Variants in TMC5 observed in about 807,000 individuals in gnomAD.
The protein encoded by TMC5 is transmembrane channel like 5.
In TMC5, 86 loss-of-function variants were observed where a neutral mutation model predicts 110.5. That is an observed-to-expected ratio of 0.78 (90% CI 0.65 to 0.93). The LOEUF is 0.93. Among genes scored for constraint, TMC5 ranks in the 40% least tolerant of loss-of-function variants. The pLI is 0.00. For synonymous variants in TMC5, 455 were observed against 439.5 expected (o/e 1.04, Z -0.44); for missense variants, 1,144 against 1,222.8 (o/e 0.94, Z 0.96).
chr16:19,443,929 A>G, intron 3 of TMC5, 152 bp from the exon 4 acceptor site: 1 of 733,088 alleles, frequency 1.4e-6, no homozygotes, highest in Non-Finnish European at 2.2e-6. Flanking sequence ...GAATGGATGG[A>G]TACATGGATG....
intron 17 of TMC5, among the ~76,000 whole-genome samples, chr16:19,488,541 C>T (rs1968808164): frequency 1.3e-5 from 2 of 152,096 alleles, no homozygotes; most frequent in Middle Eastern, 3.2e-3. Flanking sequence ...ACCCTCACCC[C>T]ATTCCTGGAA....
intron 3 of TMC5, among the ~76,000 whole-genome samples, chr16:19,442,381 T>C (rs933935508): frequency 6.7e-6 from 1 of 148,452 alleles, no homozygotes; most frequent in Admixed American, 6.9e-5. Flanking sequence ...CAGGTTGGAG[T>C]GCAGTGGCTC....
chr16:19,486,759 C>T (rs530608824), intron 15 of TMC5, among the ~76,000 whole-genome samples, 186 bp from the exon 16 acceptor site: 3 of 152,246 alleles, frequency 2.0e-5, no homozygotes, highest in African/African-American at 7.2e-5. Context: ...AATCACCTCT[C>T]AAAGGCCCTG....
intron 5 of TMC5, chr16:19,456,680 G>A (rs771423138): frequency 4.4e-6 from 7 of 1,589,418 alleles, no homozygotes; most frequent in Non-Finnish European, 5.1e-6. Flanking sequence ...CACCCCAGTG[G>A]AGAAGAAGGC....
chr16:19,429,473 T>G (rs1967151545), intron 1 of TMC5, among the ~76,000 whole-genome samples: 1 of 152,238 alleles, frequency 6.6e-6, no homozygotes, highest in South Asian at 2.1e-4. Context: ...ATCATTACAC[T>G]AATACACATT....
intron 17 of TMC5, among the ~76,000 whole-genome samples, chr16:19,487,626 C>T (rs1393946068): frequency 2.6e-5 from 4 of 151,736 alleles, no homozygotes; most frequent in South Asian, 4.2e-4. Context: ...CACTTGAACC[C>T]GGGAGGTGGA....
chr16:19,416,992 G>A (rs1219584080), upstream of TMC5, among the ~76,000 whole-genome samples: 2 of 148,924 alleles, frequency 1.3e-5, no homozygotes, highest in Non-Finnish European at 3.0e-5. Context: ...TACTCGGGAG[G>A]CTGAGGCAGG....
chr16:19,474,254 G>A lies in TMC5; in HGVS notation c.2068G>A (p.Glu690Lys), dbSNP rs201778492. 9.2e-5 allele frequency: 148 copies of A among 1,613,970 alleles called. No homozygotes were observed. The highest frequency in any genetic ancestry group is 1.6e-4 in the Middle Eastern group (1 of 6,080). ...GGAGAGGTACGAGATGCCACGGCAC[G>A]AAGTCTACGTTCTCCTGATCCGGTA... is the stretch of plus-strand genomic sequence containing the variant. ...LVERYEMPRH[E>K]VYVLLIRNIF... The change falls in exon 12 of 22, where the codon GAA (glutamate) becomes AAA (lysine). Residue 690 changes from glutamate to lysine, a missense_variant. Transcript: ENST00000542583.
intron 9 of TMC5, among the ~76,000 whole-genome samples, chr16:19,467,599 A>G (rs1028630931): frequency 1.3e-5 from 2 of 152,040 alleles, no homozygotes; most frequent in African/African-American, 2.4e-5. Flanking sequence ...CTCCTGCCTC[A>G]GCCTCCCTAG....
intron 12 of TMC5, among the ~76,000 whole-genome samples, chr16:19,475,641 A>G (rs1228328178): frequency 6.6e-6 from 1 of 152,034 alleles, no homozygotes; most frequent in Non-Finnish European, 1.5e-5. Context: ...GGACCTTTGC[A>G]TGGGCCTGGA....
intron 9 of TMC5, among the ~76,000 whole-genome samples, chr16:19,468,967 G>T (rs568349626): frequency 7.0e-4 from 107 of 152,266 alleles, no homozygotes; most frequent in African/African-American, 2.2e-3. Context: ...ACTCTAGCCT[G>T]GGCCACACAG....
chr16:19,436,279 A>AAAAAAAAAAAAG (rs1184125070), intron 2 of TMC5, among the ~76,000 whole-genome samples: 2 of 151,054 alleles, frequency 1.3e-5, no homozygotes, highest in African/African-American at 4.9e-5. Context: ...AAAAGAAAAA[A>AAAAAAAAAAAAG]AAAAAGAAAG....
At chr16:19,457,709 C>CTTTTT (rs573979829) in intron 5 of TMC5, among the ~76,000 whole-genome samples, 2,054 of 43,866 alleles carry the variant, frequency 0.047, 776 homozygotes, top group Non-Finnish European at 0.086. Context: ...AGACTACATT[C>CTTTTT]TTTTTTTTTT....
At chr16:19,426,033 G>C (rs561529401) in intron 1 of TMC5, among the ~76,000 whole-genome samples, 1 of 152,226 alleles carries the variant, frequency 6.6e-6, no homozygotes, top group African/African-American at 2.4e-5. Flanking sequence ...ATGGGTTAAT[G>C]CCTGTCCAGA....
At chr16:19,436,224 C>T (rs1398938954) in intron 2 of TMC5, among the ~76,000 whole-genome samples, 1 of 133,726 alleles carries the variant, frequency 7.5e-6, no homozygotes, top group Admixed American at 8.3e-5. Flanking sequence ...GCCAAGATGG[C>T]GTCACTTAAC....
At chr16:19,420,237 C>T (rs894393851) in intron 1 of TMC5, among the ~76,000 whole-genome samples, 24 of 152,020 alleles carry the variant, frequency 1.6e-4, no homozygotes, top group Non-Finnish European at 8.8e-5. Flanking sequence ...CCATCCTGGC[C>T]AACATGGTGA....
intron 19 of TMC5, among the ~76,000 whole-genome samples, chr16:19,492,915 G>GAGATATATATATATAT (rs1555486833): frequency 7.0e-4 from 30 of 42,778 alleles, no homozygotes; most frequent in East Asian, 2.5e-3. Context: ...TTAAAACTTA[G>GAGATATATATATATAT]ATATATATAT....
At chr16:19,443,341 T>A (rs541126069) in intron 3 of TMC5, among the ~76,000 whole-genome samples, 1 of 152,342 alleles carries the variant, frequency 6.6e-6, no homozygotes, top group African/African-American at 2.4e-5. Context: ...CACCTTTTTT[T>A]ATGCTGTTCT....
At chr16:19,449,891 T>C (rs1967710292) in intron 5 of TMC5, among the ~76,000 whole-genome samples, 1 of 152,174 alleles carries the variant, frequency 6.6e-6, no homozygotes, top group Non-Finnish European at 1.5e-5. Flanking sequence ...TTTGTAAGTT[T>C]CCTGAGAAAT....
Sources: allele counts gnomAD v4.1 joint callset (sites outside exome capture counted in the v4.1 genomes callset), GRCh38; gene constraint gnomAD v4.1.1; transcripts MANE v1.5; gene names NCBI Gene and HGNC (gene_info 2026-07-23, HGNC 2026-07-21).